The following PLA2G4E variants were observed in gnomAD, a reference collection of about 807,000 sequenced individuals.
The protein encoded by PLA2G4E is cytosolic phospholipase A2 epsilon.
PLA2G4E carries 84 observed loss-of-function variants against 109.1 expected under a neutral mutation model. The ratio of observed to expected loss-of-function variants is 0.77; its 90% confidence interval spans 0.65 to 0.92. PLA2G4E has a LOEUF of 0.92. Among genes scored for constraint, PLA2G4E ranks in the 40% least tolerant of loss-of-function variants. The probability of loss-of-function intolerance (pLI) is 0.00; values close to 1 mark genes in which losing one functional copy is unlikely to be tolerated. For synonymous variants in PLA2G4E, 469 were observed against 436.1 expected, an observed-to-expected ratio of 1.08 and a Z score of -0.94; for missense variants, 1,057 against 1,076.6, an observed-to-expected ratio of 0.98 and a Z score of 0.25.
intron 1 of PLA2G4E, 125 bp from the exon 2 acceptor site, chr15:42,013,882 G>GTT (rs10539531): frequency 0.012 from 1,554 of 134,100 alleles, 98 homozygotes; most frequent in African/African-American, 0.051. Context: ...CCCTAGGCTG[G>GTT]TTTTTTTTTT....
chr15:41,984,671 G>A lies in PLA2G4E; in HGVS notation c.2203-52C>T, dbSNP rs78087533. 1.4e-3 allele frequency: 1,989 copies of A among 1,451,078 alleles called. 19 individuals carry two copies. The African/African-American group carries it at 0.025, about 18-fold the overall frequency. 89.9% of individuals were successfully genotyped at this position (1,451,078 alleles called of 1,614,324 possible). A position where few individuals can be genotyped will look rare whatever the true frequency, so the allele number is the denominator to read the frequency against. On this transcript the variant is annotated intron_variant, in intron 18 of 19. Transcript: ENST00000399518. Reference sequence around the variant, plus strand: ...AGCATTAGGAGGAGTGGGAGTGGAGGAGAAGCACAGAGTTCTTAGCCCCAG... The same window carrying A: ...AGCATTAGGAGGAGTGGGAGTGGAGAAGAAGCACAGAGTTCTTAGCCCCAG...
intron 5 of PLA2G4E, among the ~76,000 whole-genome samples, chr15:42,003,133 G>C (rs182997625): frequency 1.3e-5 from 2 of 152,350 alleles, no homozygotes; most frequent in East Asian, 3.9e-4. Flanking sequence ...CCAGCTGAGA[G>C]GGTGAATGTT....
At chr15:41,984,081 C>T (rs1030477792) in intron 19 of PLA2G4E, 107 bp from the exon 20 acceptor site, 1 of 996,912 alleles carries the variant, frequency 1.0e-6, no homozygotes, top group Non-Finnish European at 1.5e-6. Flanking sequence ...CGGACACACA[C>T]ACCTGCATGA....
intron 10 of PLA2G4E, chr15:41,997,894 C>T (rs2068367584): frequency 6.6e-6 from 1 of 151,668 alleles, no homozygotes; most frequent in Non-Finnish European, 1.5e-5. Context: ...CAATGCTTGT[C>T]CTCTTTTTTT....
intron 1 of PLA2G4E, among the ~76,000 whole-genome samples, chr15:42,017,924 A>G (rs752325176): frequency 1.3e-5 from 2 of 152,240 alleles, no homozygotes; most frequent in Non-Finnish European, 2.9e-5. Context: ...CTTGAGCCTT[A>G]GATCACACCC....
At chr15:42,007,093 G>A (rs1445845717) in intron 3 of PLA2G4E, among the ~76,000 whole-genome samples, 2 of 152,228 alleles carry the variant, frequency 1.3e-5, no homozygotes, top group South Asian at 2.1e-4. Context: ...AGGCAGTAAG[G>A]TGGAGCTGTC....
At chr15:42,024,156 C>T (rs1225381730) in intron 1 of PLA2G4E, among the ~76,000 whole-genome samples, 2 of 151,844 alleles carry the variant, frequency 1.3e-5, no homozygotes, top group Non-Finnish European at 2.9e-5. Flanking sequence ...GCAGAGGACT[C>T]GGGGAGTTGG....
intron 11 of PLA2G4E, 84 bp downstream of exon 11, chr15:41,997,040 T>C (rs2068353687): frequency 3.5e-6 from 5 of 1,429,230 alleles, no homozygotes. Context: ...GCGCCTGGGG[T>C]AGGGCAGGGC....
intron 17 of PLA2G4E, among the ~76,000 whole-genome samples, chr15:41,986,727 C>T (rs896449062): frequency 4.5e-4 from 68 of 152,006 alleles, no homozygotes; most frequent in African/African-American, 1.6e-3. Context: ...CACCATATTG[C>T]CCAGGCTGGT....
chr15:42,016,420 C>T (rs557344502), intron 1 of PLA2G4E, among the ~76,000 whole-genome samples: 28 of 152,026 alleles, frequency 1.8e-4, no homozygotes, highest in Non-Finnish European at 3.7e-4. Flanking sequence ...TCACTGCAAC[C>T]TCTGCCTCCC....
At chr15:42,025,864 C>T (rs926155141) in intron 1 of PLA2G4E, among the ~76,000 whole-genome samples, 1 of 152,122 alleles carries the variant, frequency 6.6e-6, no homozygotes, top group Admixed American at 6.5e-5. Context: ...AAATTAACTT[C>T]ACAAAATAAA....
intron 1 of PLA2G4E, among the ~76,000 whole-genome samples, chr15:42,028,967 G>A (rs1889069940): frequency 6.6e-6 from 1 of 152,060 alleles, no homozygotes; most frequent in African/African-American, 2.4e-5. Flanking sequence ...AACATTACAA[G>A]AAAGGACCTT....
exon 4 of PLA2G4E, chr15:42,006,107 C>A: frequency 6.2e-7 from 1 of 1,613,822 alleles, no homozygotes; most frequent in Non-Finnish European, 8.5e-7. Context: ...CACAGACACT[C>A]AACTCTAGCA....
intron 1 of PLA2G4E, among the ~76,000 whole-genome samples, chr15:42,034,652 C>T (rs2665209): frequency 0.044 from 6,738 of 152,234 alleles, 469 homozygotes; most frequent in African/African-American, 0.15. Context: ...TCCTCTTCTA[C>T]GTCCTCTTTT....
At chr15:42,015,838 C>A (rs1287871758) in intron 1 of PLA2G4E, among the ~76,000 whole-genome samples, 1 of 152,218 alleles carries the variant, frequency 6.6e-6, no homozygotes, top group Non-Finnish European at 1.5e-5. Context: ...CTACTCTGAG[C>A]CGGCACACCC....
rs1330118691 is a variant in PLA2G4E, at chr15:42,050,610, C to A, written c.94G>T (p.Gly32Ter). Reference sequence around the variant, plus strand: ...TCCTCGAACTCACTGAAACTTCTTCCTGACCTGCTGCCTTCTTCATCCGTT... The same window carrying A: ...TCCTCGAACTCACTGAAACTTCTTCATGACCTGCTGCCTTCTTCATCCGTT... Residue 32 changes from glycine to a stop codon, truncating the protein, a stop_gained, in exon 1 of 20, where the codon GGA becomes TGA. Coordinates refer to ENST00000399518, the Ensembl canonical transcript of PLA2G4E. LOFTEE classifies it high-confidence loss of function. The A allele has an allele frequency of 6.4e-7, 1 of 1,550,632 alleles. No individual in the cohort carries two copies. Among genetic ancestry groups the A allele is most frequent in the Admixed American group, 2.0e-5 (1 of 51,016 alleles).
chr15:42,015,634 A>G (rs2068582154), intron 1 of PLA2G4E, among the ~76,000 whole-genome samples: 1 of 152,244 alleles, frequency 6.6e-6, no homozygotes, highest in Non-Finnish European at 1.5e-5. Flanking sequence ...TACTAGGCAG[A>G]GACAGAGGTT....
intron 1 of PLA2G4E, among the ~76,000 whole-genome samples, chr15:42,032,572 C>T (rs987893564): frequency 8.5e-5 from 13 of 152,176 alleles, no homozygotes; most frequent in Admixed American, 4.6e-4. Context: ...GACAGAACAC[C>T]GGGTGGGGAG....
chr15:42,029,628 C>T (rs558692409), intron 1 of PLA2G4E, among the ~76,000 whole-genome samples: 28 of 152,290 alleles, frequency 1.8e-4, no homozygotes, highest in Non-Finnish European at 3.4e-4. Flanking sequence ...GTATAGCGGT[C>T]TAGACTTTAA....
Sources: allele counts gnomAD v4.1 joint callset (sites outside exome capture counted in the v4.1 genomes callset), GRCh38; gene constraint gnomAD v4.1.1; transcripts MANE v1.5; gene names NCBI Gene and HGNC (gene_info 2026-07-23, HGNC 2026-07-21).